The following ADGRL3 variants were observed in gnomAD, a reference collection of about 807,000 sequenced individuals.
ADGRL3 encodes calcium-independent alpha-latrotoxin receptor 3.
A neutral mutation model predicts 153.5 loss-of-function variants in ADGRL3; 62 were observed. The observed-to-expected ratio is 0.40, with a 90% CI of 0.33 to 0.50. ADGRL3 has a LOEUF of 0.50. Among genes scored for constraint, ADGRL3 ranks in the 20% least tolerant of loss-of-function variants. The probability of loss-of-function intolerance (pLI) is 0.47; values close to 1 mark genes in which losing one functional copy is unlikely to be tolerated. For missense variants in ADGRL3, 1,641 were observed against 1,859.4 expected (o/e 0.88, Z 2.16); for synonymous variants, 710 against 672.5 (o/e 1.06, Z -0.86).
intron 2 of ADGRL3, among the ~76,000 whole-genome samples, chr4:61,474,346 C>G (rs956056142): frequency 6.6e-6 from 1 of 152,084 alleles, no homozygotes; most frequent in South Asian, 2.1e-4. Context: ...TGACTGTTTT[C>G]TGCCGGAGGG....
At position 61,892,754 on chromosome 4, in the gene ADGRL3, G is replaced by A. The variant is rs376190861; in HGVS notation, c.1579G>A (p.Val527Met). Reference sequence around the variant, plus strand: ...CCCAGGAAGGAGTACCACCCCGTCAGTGTCAGGAAGAAGAAACCGGAGTAC... The same window carrying A: ...CCCAGGAAGGAGTACCACCCCGTCAATGTCAGGAAGAAGAAACCGGAGTAC... ...LSPGRSTTPS[V>M]SGRRNRSTST... Residue 527 changes from valine (V) to methionine (M), a missense_variant, in exon 10 of 27, where the codon GTG becomes ATG. Coordinates refer to ENST00000683033, the MANE Select transcript of ADGRL3 (RefSeq NM_001387552.1). 3.7e-6 allele frequency: 6 copies of A among 1,613,910 alleles called. No individual in the cohort carries two copies. Among genetic ancestry groups the A allele is most frequent in the Non-Finnish European group, 4.2e-6 (5 of 1,179,844 alleles).
At chr4:61,535,414 T>C (rs954570547) in intron 4 of ADGRL3, among the ~76,000 whole-genome samples, 3 of 152,006 alleles carry the variant, frequency 2.0e-5, no homozygotes, top group African/African-American at 7.2e-5. Context: ...TGTTGTGTCA[T>C]TGCCAGATTT....
rs147315464 is a variant in ADGRL3, at chr4:61,910,155, T to C, written c.2073+410T>C. Among the ~76,000 whole-genome samples the C allele has an allele frequency of 6.3e-3, 950 of 151,986 alleles. 9 individuals are homozygous for C. The highest frequency in any genetic ancestry group is 0.022 in the African/African-American group (902 of 41,544). On this transcript the variant is annotated intron_variant, in intron 12 of 26. Transcript: ENST00000683033. ...AGAACATAATAACAAGAAGATGTTA[T>C]AGATCTTCTTGTGGAAGAATGGATG...
intron 25 of ADGRL3, among the ~76,000 whole-genome samples, chr4:62,045,723 G>A (rs1025717817): frequency 1.3e-5 from 2 of 151,892 alleles, no homozygotes; most frequent in African/African-American, 4.8e-5. Flanking sequence ...CAACAATATA[G>A]TAACTATAAA....
At chr4:61,932,650 C>A (rs934727597) in intron 13 of ADGRL3, among the ~76,000 whole-genome samples, 1 of 152,130 alleles carries the variant, frequency 6.6e-6, no homozygotes, top group African/African-American at 2.4e-5. Flanking sequence ...GTGTCTAAGT[C>A]TGGCTTTGGT....
rs1455928209 is a variant in ADGRL3 at position 61,820,084 on chromosome 4, AGT to A, written c.1480+6200_1480+6201del. ...TGTTACATTTGTTTACCATAGTCAC[AGT>A]GTGTTTCTTTTCTGATAGTGTTCAT... On this transcript the variant is annotated intron_variant, in intron 9 of 26. Transcript: ENST00000683033. Among the ~76,000 whole-genome samples, 6 of 152,262 alleles carry A rather than the reference AGT, an allele frequency of 3.9e-5. No homozygotes were observed. In the South Asian group the frequency reaches 6.2e-4, roughly 16 times the overall value.
At position 61,948,141 on chromosome 4, in the gene ADGRL3, C is replaced by T. The variant is rs1378520640; in HGVS notation, c.2670C>T (p.Ser890=). The change falls in exon 17 of 27, where the codon AGC becomes AGT. Residue 890 remains serine (S), a synonymous_variant. Coordinates refer to ENST00000683033, the MANE Select transcript of ADGRL3 (RefSeq NM_001387552.1). ...TCAACCCTAACTGTTCATTTTGGAG[C>T]TACTCCAAGCGTACAATGACAGGTT... The part of the protein sequence containing the change: ...ENFNPNCSFW[S]YSKRTMTGYW... 4 of 1,613,466 alleles carry T rather than the reference C, an allele frequency of 2.5e-6. No homozygotes were observed. The highest frequency in any genetic ancestry group is 4.5e-5 in the East Asian group (2 of 44,844).
At chr4:61,516,547 A>C (rs1190664669) in intron 3 of ADGRL3, among the ~76,000 whole-genome samples, 1 of 152,180 alleles carries the variant, frequency 6.6e-6, no homozygotes, top group African/African-American at 2.4e-5. Flanking sequence ...TTCAAAGCAT[A>C]AAATGCATGG....
intron 2 of ADGRL3, among the ~76,000 whole-genome samples, chr4:61,453,287 G>T (rs1327172093): frequency 6.6e-6 from 1 of 152,122 alleles, no homozygotes; most frequent in Non-Finnish European, 1.5e-5. Flanking sequence ...TCTGGGAGAG[G>T]AAGACAGTGG....
At chr4:61,906,809 T>C (rs1450860980) in intron 11 of ADGRL3, among the ~76,000 whole-genome samples, 1 of 152,140 alleles carries the variant, frequency 6.6e-6, no homozygotes, top group Non-Finnish European at 1.5e-5. Flanking sequence ...TTAATTAATT[T>C]ATTGTTTCTT....
intron 2 of ADGRL3, among the ~76,000 whole-genome samples, chr4:61,400,441 T>C (rs1307037320): frequency 6.6e-6 from 1 of 151,810 alleles, no homozygotes. Context: ...CTAGAGGTGA[T>C]GAAAAGTGAA....
At chr4:61,368,145 T>C (rs2151635527) in intron 1 of ADGRL3, among the ~76,000 whole-genome samples, 1 of 151,988 alleles carries the variant, frequency 6.6e-6, no homozygotes, top group East Asian at 2.0e-4. Context: ...TACCCCTTTG[T>C]CAGATGAGTA....
At chr4:62,012,517 GA>G (rs1252844896) in intron 21 of ADGRL3, among the ~76,000 whole-genome samples, 3 of 152,156 alleles carry the variant, frequency 2.0e-5, no homozygotes, top group African/African-American at 7.2e-5. Flanking sequence ...GTTAGTGCCA[GA>G]ACCAGGATTT....
intron 11 of ADGRL3, among the ~76,000 whole-genome samples, chr4:61,909,204 A>G (rs77816931): frequency 1.4e-4 from 22 of 152,112 alleles, no homozygotes; most frequent in Admixed American, 1.0e-3. Context: ...AGAACTTACA[A>G]TGTGGTTGGG....
At chr4:61,385,256 C>T (rs1042875592) in intron 2 of ADGRL3, among the ~76,000 whole-genome samples, 1 of 151,984 alleles carries the variant, frequency 6.6e-6, no homozygotes, top group Non-Finnish European at 1.5e-5. Context: ...AAATTTTATT[C>T]CAACATCCCC....
intron 6 of ADGRL3, among the ~76,000 whole-genome samples, chr4:61,700,042 T>C (rs1220185072): frequency 6.6e-6 from 1 of 151,810 alleles, no homozygotes. Context: ...GTTATAAGAA[T>C]GCAGAAAACC....
At chr4:61,325,859 G>T (rs2095453309) in intron 1 of ADGRL3, among the ~76,000 whole-genome samples, 1 of 152,126 alleles carries the variant, frequency 6.6e-6, no homozygotes, top group Admixed American at 6.6e-5. Flanking sequence ...GTGAATAAAA[G>T]TCATGATTAC....
intron 23 of ADGRL3, among the ~76,000 whole-genome samples, chr4:62,036,501 T>C (rs532685456): frequency 3.2e-4 from 49 of 152,282 alleles, no homozygotes; most frequent in African/African-American, 9.9e-4. Context: ...AATCTGTATA[T>C]GTTCTGTCTT....
chr4:61,859,372 A>G (rs2098315586), intron 9 of ADGRL3, among the ~76,000 whole-genome samples: 1 of 152,256 alleles, frequency 6.6e-6, no homozygotes, highest in Non-Finnish European at 1.5e-5. Context: ...TAATAAAAAT[A>G]TCTGTAGTGA....
Sources: gnomAD v4.1 joint callset for allele counts (sites outside exome capture counted in the v4.1 genomes callset) on GRCh38, gnomAD v4.1.1 for gene constraint, MANE v1.5 for transcripts, NCBI Gene and HGNC (gene_info 2026-07-23, HGNC 2026-07-21) for gene names.